SPG7: variants seen among roughly 807,000 people sequenced by gnomAD.
SPG7 encodes the protein mitochondrial inner membrane m-AAA protease component paraplegin.
A neutral mutation model predicts 81.9 loss-of-function variants in SPG7; 103 were observed. The observed-to-expected ratio is 1.26, with a 90% CI of 1.07 to 1.48. The LOEUF (loss-of-function observed/expected upper bound fraction) is 1.48, where lower values mean the gene tolerates loss of function less well. Among genes scored for constraint, SPG7 ranks in the 40% most tolerant of loss-of-function variants. SPG7 has a pLI of 0.00. For missense variants in SPG7, 1,241 were observed against 1,087.3 expected (o/e 1.14, Z -1.99); for synonymous variants, 534 against 444.2 (o/e 1.20, Z -2.54).
intron 3 of SPG7, chr16:89,519,831 T>TCA (rs2058161676): frequency 6.6e-6 from 1 of 152,208 alleles, no homozygotes; most frequent in Non-Finnish European, 1.5e-5. Context: ...TCAGGGGCGG[T>TCA]TTCCAAGTGG....
At position 89,537,247 on chromosome 16, in the gene SPG7, C is replaced by T. The variant is rs563904374; in HGVS notation, c.1324+4611C>T. 6.9e-4 allele frequency: 965 copies of T among 1,401,658 alleles called. 1 individual carries two copies. Among genetic ancestry groups the T allele is most frequent in the Non-Finnish European group, 8.0e-4 (868 of 1,080,314 alleles). 86.8% of individuals were successfully genotyped at this position (1,401,658 alleles called of 1,614,324 possible). A position where few individuals can be genotyped will look rare whatever the true frequency, so the allele number is the denominator to read the frequency against. Reference sequence around the variant, plus strand: ...AGAAAAGCCCAAGCCTTGTTGGTTACGTCAGCCGGTCCATGGCGGTGTCCT... The same window carrying T: ...AGAAAAGCCCAAGCCTTGTTGGTTATGTCAGCCGGTCCATGGCGGTGTCCT... On this transcript the variant is annotated intron_variant, in intron 9 of 16. Coordinates refer to ENST00000645818, the MANE Select transcript of SPG7 (RefSeq NM_003119.4).
At chr16:89,536,668 T>TGAGATCGGGCGAGGCGGGC in intron 9 of SPG7, 4 of 1,442,260 alleles carry the variant, frequency 2.8e-6, no homozygotes, top group Non-Finnish European at 3.8e-6. Context: ...GCGAGGCGGG[T>TGAGATCGGGCGAGGCGGGC]GAGATCGGGC....
intron 1 of SPG7, 55 bp from the exon 2 acceptor site, chr16:89,510,435 T>C (rs2058001143): frequency 9.0e-7 from 1 of 1,108,116 alleles, no homozygotes. Flanking sequence ...CTGCATTGCT[T>C]TGGTACTCTC....
intron 11 of SPG7, 98 bp downstream of exon 11, chr16:89,546,858 C>T (rs2058571021): frequency 1.2e-6 from 1 of 811,514 alleles, no homozygotes; most frequent in Non-Finnish European, 2.2e-6. Context: ...GGGGTGGGCG[C>T]TGCTCCTTCT....
intron 13 of SPG7, 102 bp downstream of exon 13, chr16:89,550,711 G>A (rs1567932062): frequency 1.3e-6 from 1 of 767,752 alleles, no homozygotes. Context: ...TGTGTCTGTA[G>A]CTGACTGGGG....
chr16:89,532,021 C>A lies in SPG7; in HGVS notation c.1105C>A (p.Pro369Thr). The A allele has an allele frequency of 1.2e-6, 2 of 1,613,640 alleles. No individual in the cohort carries two copies. Among genetic ancestry groups the A allele is most frequent in the Non-Finnish European group, 1.7e-6 (2 of 1,179,976 alleles). Residue 369 changes from proline to threonine, a missense_variant, in exon 8 of 17, where the codon CCC becomes ACC. Transcript: ENST00000645818. ...GGCGGTGGCCACGGAGGCTCAGGTG[C>A]CCTTCCTGGCGATGGCCGGCCCAGA... is the stretch of plus-strand genomic sequence containing the variant. Reference protein sequence around the residue: ...AKAVATEAQVPFLAMAGPEFV... With the variant: ...AKAVATEAQVTFLAMAGPEFV...
chr16:89,556,929 G>A lies in SPG7; in HGVS notation c.2224G>A (p.Asp742Asn), dbSNP rs1442341237. Residue 742 changes from aspartate (D) to asparagine (N), a missense_variant, in exon 17 of 17, where the codon GAC (aspartate) becomes AAC (asparagine). Transcript: ENST00000645818. The stretch of plus-strand genomic sequence containing the variant: ...GGAAAAGGAAGTGATAAACTATGAG[G>A]ACATTGAGGCTCTCATTGGCCCGCC... ...LLEKEVINYE[D>N]IEALIGPPPH... 7 of 1,613,954 alleles carry A rather than the reference G, an allele frequency of 4.3e-6. No homozygotes were observed. The highest frequency in any genetic ancestry group is 5.9e-6 in the Non-Finnish European group (7 of 1,179,998).
chr16:89,508,642 C>G (rs1450709196), intron 1 of SPG7, 42 bp downstream of exon 1: 1 of 1,434,532 alleles, frequency 7.0e-7, no homozygotes, highest in African/African-American at 1.5e-5. Flanking sequence ...CCGCCCGGCT[C>G]TGCTCTGTAA....
In SPG7 at chr16:89,526,253, C is replaced by T. The variant is rs141680746; in HGVS notation, c.619-76C>T. 1.3e-4 allele frequency: 199 copies of T among 1,553,786 alleles called. 1 individual carries two copies. The African/African-American group carries it at 1.5e-3, about 12-fold the overall frequency. On this transcript the variant is annotated intron_variant, in intron 4 of 16. Transcript: ENST00000645818. Reference sequence around the variant, plus strand: ...GGTTGTCATTACCATGAGTTCCAGGCGGGCTCTCTGTTGACTGTAGGGTTG... The same window carrying T: ...GGTTGTCATTACCATGAGTTCCAGGTGGGCTCTCTGTTGACTGTAGGGTTG...
chr16:89,530,906 G>A (rs1462459212), intron 7 of SPG7, 98 bp downstream of exon 7: 32 of 1,548,610 alleles, frequency 2.1e-5, no homozygotes, highest in African/African-American at 4.1e-5. Context: ...CATCGATGAC[G>A]TGTCGTGGGT....
At chr16:89,552,685 C>A in intron 13 of SPG7, 2 of 431,164 alleles carry the variant, frequency 4.6e-6, no homozygotes, top group Middle Eastern at 7.3e-4. Flanking sequence ...TGAAACTTGT[C>A]CTTCGCCTCT....
At chr16:89,548,785 C>G (rs1216767969) in intron 12 of SPG7, 1 of 380,608 alleles carries the variant, frequency 2.6e-6, no homozygotes, top group African/African-American at 2.1e-5. Context: ...AACACCCAGA[C>G]GTGATCAGTC....
intron 15 of SPG7, 93 bp downstream of exon 15, chr16:89,554,053 G>A: frequency 7.3e-7 from 1 of 1,368,640 alleles, no homozygotes; most frequent in Non-Finnish European, 1.0e-6. Flanking sequence ...GGCCGCCCCA[G>A]CGGAGCTCAG....
Position 89,544,731 on chromosome 16 carries a change from C to T in SPG7, c.1408C>T (p.Arg470Ter), listed in dbSNP as rs748555510. The change falls in exon 10 of 17, where the codon CGA becomes TGA. Residue 470 changes from arginine to a stop codon, truncating the protein, a stop_gained. Transcript: ENST00000645818. LOFTEE classifies it high-confidence loss of function. ...ILDGALMRPG[R>*]LDRHVFIDLP... is the part of the protein sequence containing the mutation. Reference sequence around the variant, plus strand: ...GGACGGTGCTCTGATGAGGCCAGGCCGACTGGACCGGCACGTCTTCATTGA... The same window carrying T: ...GGACGGTGCTCTGATGAGGCCAGGCTGACTGGACCGGCACGTCTTCATTGA... 3.7e-6 allele frequency: 6 copies of T among 1,614,082 alleles called. No homozygotes were observed. The highest frequency in any genetic ancestry group is 5.1e-6 in the Non-Finnish European group (6 of 1,180,004).
chr16:89,540,355 G>C (rs1039671082), intron 9 of SPG7: 1 of 152,140 alleles, frequency 6.6e-6, no homozygotes, highest in African/African-American at 2.4e-5. Flanking sequence ...GCGCGTCTGA[G>C]TTGGAAGCAT....
chr16:89,508,860 G>A (rs1030206699), intron 1 of SPG7: 2 of 663,508 alleles, frequency 3.0e-6, no homozygotes, highest in Middle Eastern at 4.8e-4. Flanking sequence ...TCTGTTGTGT[G>A]TGGATGTTCT....
chr16:89,530,496 C>T lies in SPG7; in HGVS notation c.862-187C>T, dbSNP rs573771387. 4.9e-5 allele frequency: 34 copies of T among 700,590 alleles called. No homozygotes were observed. In the East Asian group the frequency reaches 5.7e-4, roughly 12 times the overall value. 43.4% of individuals were successfully genotyped at this position (700,590 alleles called of 1,614,324 possible). A position where few individuals can be genotyped will look rare whatever the true frequency, so the allele number is the denominator to read the frequency against. On this transcript the variant is annotated intron_variant, in intron 6 of 16. Transcript: ENST00000645818. Reference sequence around the variant, plus strand: ...AGATAAGTTTCTTACTAATTAATGACGAAACATTTCCCTTCTGTGCTTGAA... The same window carrying T: ...AGATAAGTTTCTTACTAATTAATGATGAAACATTTCCCTTCTGTGCTTGAA...
Position 89,531,826 on chromosome 16 carries a change from C to G in SPG7, c.988-78C>G. The G allele has an allele frequency of 2.0e-6, 3 of 1,485,792 alleles. No individual in the cohort carries two copies. The Admixed American group carries it at 5.1e-5, about 25-fold the overall frequency. The allele number at this position is 1,485,792 out of a possible 1,614,324, so 92.0% of individuals were successfully genotyped here. ...CCCACTGCACTCCAGCCTGCGTGAC[C>G]CAGAGAGACCTTACCTCTAAAAAAC... On this transcript the variant is annotated intron_variant, in intron 7 of 16. Coordinates refer to ENST00000645818, the MANE Select transcript of SPG7 (RefSeq NM_003119.4).
At chr16:89,548,738 A>T (rs2058597947) in intron 12 of SPG7, 1 of 354,886 alleles carries the variant, frequency 2.8e-6, no homozygotes, top group Non-Finnish European at 5.6e-6. Flanking sequence ...CCAAACTGGG[A>T]ATCGGAGCTG....
Sources: allele counts gnomAD v4.1 joint callset, GRCh38; gene constraint gnomAD v4.1.1; transcripts MANE v1.5; gene names NCBI Gene and HGNC (gene_info 2026-07-23, HGNC 2026-07-21).